Variants in CNTN5 observed in about 807,000 individuals in gnomAD.
CNTN5 encodes contactin 5.
A neutral mutation model predicts 129.1 loss-of-function variants in CNTN5; 77 were observed. The ratio of observed to expected loss-of-function variants is 0.60; its 90% confidence interval spans 0.50 to 0.72. The LOEUF (loss-of-function observed/expected upper bound fraction) is 0.72, where lower values mean the gene tolerates loss of function less well. CNTN5 is among the 30% of genes least tolerant of loss of function. The probability of loss-of-function intolerance (pLI) is 0.00; values close to 1 mark genes in which losing one functional copy is unlikely to be tolerated. For synonymous variants in CNTN5, 509 were observed against 465.6 expected (o/e 1.09, Z -1.20); for missense variants, 1,478 against 1,328.8 (o/e 1.11, Z -1.75).
At chr11:99,117,625 C>G (rs1019974960) in intron 1 of CNTN5, among the ~76,000 whole-genome samples, 1 of 152,016 alleles carries the variant, frequency 6.6e-6, no homozygotes, top group African/African-American at 2.4e-5. Flanking sequence ...AGGTAGAAGC[C>G]CTAACACCCA....
intron 18 of CNTN5, 131 bp from the exon 19 acceptor site, chr11:100,297,494 C>A: frequency 4.3e-6 from 3 of 701,128 alleles, no homozygotes; most frequent in Non-Finnish European, 7.7e-6. Context: ...GTGTTTCTGT[C>A]ACCAATATTT....
At chr11:99,822,300 A>G (rs2135568335) in intron 4 of CNTN5, among the ~76,000 whole-genome samples, 1 of 152,334 alleles carries the variant, frequency 6.6e-6, no homozygotes, top group East Asian at 1.9e-4. Context: ...GTACGAGGAA[A>G]TAAAACGCAT....
At chr11:99,924,455 T>C (rs1231485823) in intron 7 of CNTN5, among the ~76,000 whole-genome samples, 1 of 152,208 alleles carries the variant, frequency 6.6e-6, no homozygotes, top group African/African-American at 2.4e-5. Context: ...TAATTCTGCA[T>C]ATGGTTAGCC....
At chr11:100,256,402 A>T (rs959421788) in intron 17 of CNTN5, among the ~76,000 whole-genome samples, 4 of 152,184 alleles carry the variant, frequency 2.6e-5, no homozygotes, top group Admixed American at 2.6e-4. Context: ...TCAAGTAACC[A>T]TCAAGACAAT....
chr11:100,267,836 GA>G (rs1273612550), intron 17 of CNTN5, among the ~76,000 whole-genome samples: 2 of 152,112 alleles, frequency 1.3e-5, no homozygotes, highest in Admixed American at 6.6e-5. Flanking sequence ...AGACTTATGG[GA>G]GGGGTAAGTG....
intron 1 of CNTN5, among the ~76,000 whole-genome samples, chr11:99,091,995 T>C (rs1866271858): frequency 6.6e-6 from 1 of 152,170 alleles, no homozygotes; most frequent in African/African-American, 2.4e-5. Flanking sequence ...ATCAGATTAA[T>C]AAAGTATGAT....
chr11:100,230,911 A>G (rs985855451), intron 16 of CNTN5, among the ~76,000 whole-genome samples: 2 of 152,236 alleles, frequency 1.3e-5, no homozygotes, highest in African/African-American at 4.8e-5. Context: ...GTATTTCACT[A>G]TATTTTGTCC....
intron 1 of CNTN5, among the ~76,000 whole-genome samples, chr11:99,073,746 A>G (rs909004576): frequency 8.5e-5 from 13 of 152,060 alleles, no homozygotes; most frequent in African/African-American, 2.7e-4. Flanking sequence ...TTATGGCTGC[A>G]TAGTATTCCA....
chr11:99,784,804 T>G lies in CNTN5; in HGVS notation c.56-34740T>G, dbSNP rs796565450. The stretch of plus-strand genomic sequence containing the variant: ...GATGGTATCTCATTGTGTTTTTTTT[T>G]TTTTTTTTTTTTTGAGATGGGGTCT... On this transcript the variant is annotated intron_variant, in intron 3 of 24. Transcript: ENST00000524871. Among the ~76,000 whole-genome samples, 242 of 145,302 alleles carry G rather than the reference T, an allele frequency of 1.7e-3. 1 individual carries two copies. The highest frequency in any genetic ancestry group is 6.2e-3 in the African/African-American group (237 of 38,080).
chr11:100,337,632 C>A (rs756823658), intron 21 of CNTN5: 24 of 691,442 alleles, frequency 3.5e-5, no homozygotes, highest in Non-Finnish European at 5.5e-5. Context: ...ATAACGGGAA[C>A]TAATTGGGTA....
At chr11:99,125,485 A>C (rs1858580216) in intron 1 of CNTN5, among the ~76,000 whole-genome samples, 1 of 152,162 alleles carries the variant, frequency 6.6e-6, no homozygotes, top group South Asian at 2.1e-4. Flanking sequence ...TGACAAACCC[A>C]CAACCAGGAT....
chr11:99,718,658 G>A (rs1270520289), intron 3 of CNTN5, among the ~76,000 whole-genome samples: 2 of 152,040 alleles, frequency 1.3e-5, no homozygotes, highest in Non-Finnish European at 2.9e-5. Flanking sequence ...CAGAATATGA[G>A]GATGGTAATC....
intron 3 of CNTN5, among the ~76,000 whole-genome samples, chr11:99,710,579 G>A (rs1037736956): frequency 1.5e-5 from 2 of 133,212 alleles, no homozygotes; most frequent in Admixed American, 7.8e-5. Flanking sequence ...GTGTGTGTGT[G>A]TGTGTGTGTG....
chr11:99,658,597 C>A (rs569995288), intron 3 of CNTN5, among the ~76,000 whole-genome samples: 2 of 151,818 alleles, frequency 1.3e-5, no homozygotes, highest in South Asian at 4.2e-4. Flanking sequence ...GTGGGCCTAG[C>A]GCAGAGGCTC....
intron 1 of CNTN5, among the ~76,000 whole-genome samples, chr11:99,247,081 A>G (rs1253081905): frequency 6.6e-6 from 1 of 152,186 alleles, no homozygotes; most frequent in Non-Finnish European, 1.5e-5. Context: ...ACATCTATGT[A>G]GAATTTTCTG....
At chr11:100,274,441 C>T (rs1383886507) in intron 18 of CNTN5, among the ~76,000 whole-genome samples, 1 of 152,154 alleles carries the variant, frequency 6.6e-6, no homozygotes, top group Non-Finnish European at 1.5e-5. Flanking sequence ...AGATAACCCA[C>T]AGAATATGAT....
At position 99,351,951 on chromosome 11, in the gene CNTN5, C is replaced by T. The variant is rs569904178; in HGVS notation, c.-71+26467C>T. Among the ~76,000 whole-genome samples, 5 of 152,314 alleles carry T rather than the reference C, an allele frequency of 3.3e-5. No homozygotes were observed. The South Asian group carries it at 1.0e-3, about 32-fold the overall frequency. On this transcript the variant is annotated intron_variant, in intron 2 of 24. Coordinates refer to ENST00000524871, the MANE Select transcript of CNTN5 (RefSeq NM_014361.4). ...AAGGGTTATAAGATTTTTTATTCTT[C>T]TGCCAAATCAACTTTGCTCCTGCCC... is the stretch of plus-strand genomic sequence containing the variant.
intron 1 of CNTN5, among the ~76,000 whole-genome samples, chr11:99,173,639 A>T (rs1010267467): frequency 6.6e-6 from 1 of 152,202 alleles, no homozygotes; most frequent in Non-Finnish European, 1.5e-5. Context: ...CTGAACAATT[A>T]TGTGGATTAT....
intron 13 of CNTN5, among the ~76,000 whole-genome samples, chr11:100,094,325 T>C (rs1944908069): frequency 6.6e-6 from 1 of 152,072 alleles, no homozygotes; most frequent in Non-Finnish European, 1.5e-5. Context: ...GGGTAAGAAC[T>C]CATATTCTAC....
Sources: allele counts gnomAD v4.1 joint callset (sites outside exome capture counted in the v4.1 genomes callset), GRCh38; gene constraint gnomAD v4.1.1; transcripts MANE v1.5; gene names NCBI Gene and HGNC (gene_info 2026-07-23, HGNC 2026-07-21).